TENM2: variants seen among roughly 807,000 people sequenced by gnomAD.
The protein encoded by TENM2 is teneurin-2.
A neutral mutation model predicts 245.2 loss-of-function variants in TENM2; 52 were observed. The observed-to-expected ratio is 0.21, with a 90% CI of 0.17 to 0.27. The LOEUF (loss-of-function observed/expected upper bound fraction) is 0.27. Ranked by LOEUF, TENM2 falls within the 10% of genes least tolerant of loss-of-function variation. TENM2 has a pLI of 1.00. For missense variants in TENM2, 3,046 were observed against 3,666.8 expected (o/e 0.83, Z 4.37); for synonymous variants, 1,363 against 1,438.9 (o/e 0.95, Z 1.19).
intron 2 of TENM2, among the ~76,000 whole-genome samples, chr5:167,508,976 G>A (rs1170488455): frequency 6.6e-6 from 1 of 151,984 alleles, no homozygotes; most frequent in East Asian, 1.9e-4. Context: ...GTGCCACCAC[G>A]CCCGGCTAAT....
chr5:167,530,489 C>T (rs1771416715), intron 2 of TENM2, among the ~76,000 whole-genome samples: 1 of 151,812 alleles, frequency 6.6e-6, no homozygotes, highest in Non-Finnish European at 1.5e-5. Context: ...GTTTTTTAGA[C>T]CCTTATATTT....
the TENM2 span, among the ~76,000 whole-genome samples, chr5:167,265,868 C>T: frequency 3.9e-5 from 6 of 152,094 alleles, no homozygotes; most frequent in South Asian, 1.0e-3. Flanking sequence ...ATATTATGAT[C>T]GACCTAGCTT....
intron 2 of TENM2, among the ~76,000 whole-genome samples, chr5:167,562,964 AAAAAAAAAAAAG>A (rs1773690189): frequency 1.3e-5 from 2 of 149,736 alleles, no homozygotes; most frequent in Non-Finnish European, 2.9e-5. Flanking sequence ...TCTCAAAAAA[AAAAAAAAAAAAG>A]AAAAAGAAAA....
chr5:167,658,646 A>G (rs1755006775), intron 2 of TENM2, among the ~76,000 whole-genome samples: 1 of 152,170 alleles, frequency 6.6e-6, no homozygotes, highest in South Asian at 2.1e-4. Flanking sequence ...GAGAAAGTTG[A>G]GAACCACTGG....
intron 4 of TENM2, among the ~76,000 whole-genome samples, chr5:167,969,023 G>A (rs1374714037): frequency 3.9e-5 from 6 of 152,096 alleles, no homozygotes; most frequent in South Asian, 2.1e-4. Flanking sequence ...TGGAAACCAC[G>A]GACCACTCCT....
At chr5:167,473,283 C>T (rs1031063052) in intron 2 of TENM2, among the ~76,000 whole-genome samples, 1 of 152,130 alleles carries the variant, frequency 6.6e-6, no homozygotes, top group African/African-American at 2.4e-5. Context: ...CACTCTTACT[C>T]TTATTGATGT....
At chr5:167,904,556 C>G (rs1283122816) in intron 3 of TENM2, among the ~76,000 whole-genome samples, 2 of 152,136 alleles carry the variant, frequency 1.3e-5, no homozygotes, top group African/African-American at 4.8e-5. Flanking sequence ...ATCGAGCTTG[C>G]ATGCTTGTAT....
At chr5:167,950,824 A>G (rs1477754566) in intron 3 of TENM2, among the ~76,000 whole-genome samples, 1 of 152,228 alleles carries the variant, frequency 6.6e-6, no homozygotes, top group Non-Finnish European at 1.5e-5. Context: ...TACAGCTATG[A>G]AACTCTCCCA....
chr5:167,495,305 A>G (rs1244012416), intron 2 of TENM2, among the ~76,000 whole-genome samples: 1 of 151,602 alleles, frequency 6.6e-6, no homozygotes, highest in Admixed American at 6.6e-5. Context: ...ATGGACACAA[A>G]TTTGGCAACA....
Position 167,350,991 on chromosome 5 carries a change from TATGGATTATATAC to T in TENM2, c.227-24204_227-24192del, listed in dbSNP as rs1561884128. ...TGGGGTATATACATATGGATATATA[TATGGATTATATAC>T]ATATGGATATATATATATGGGATAT... On this transcript the variant is annotated intron_variant, in intron 1 of 28. Transcript: ENST00000518659. Among the ~76,000 whole-genome samples, 28 of 95,604 alleles carry T rather than the reference TATGGATTATATAC, an allele frequency of 2.9e-4. 1 individual carries two copies. The highest frequency in any genetic ancestry group is 4.1e-4 in the South Asian group (1 of 2,438). The allele number at this position is 95,604 out of a possible 152,430, so 62.7% of individuals were successfully genotyped here.
chr5:167,945,115 A>ATTTG (rs1305029784), intron 3 of TENM2, among the ~76,000 whole-genome samples: 2 of 152,152 alleles, frequency 1.3e-5, no homozygotes, highest in Non-Finnish European at 2.9e-5. Context: ...CAGGGACATG[A>ATTTG]TTTGTTCATT....
intron 2 of TENM2, among the ~76,000 whole-genome samples, chr5:167,453,596 A>C (rs1485425716): frequency 6.6e-6 from 1 of 152,138 alleles, no homozygotes; most frequent in Non-Finnish European, 1.5e-5. Flanking sequence ...AAAGCCATTA[A>C]ATTAGAGACT....
chr5:167,042,042 G>A, the TENM2 span, among the ~76,000 whole-genome samples: 1 of 152,118 alleles, frequency 6.6e-6, no homozygotes, highest in Non-Finnish European at 1.5e-5. Context: ...CCAATGTGCT[G>A]GGGGAGAATG....
chr5:167,917,746 A>T (rs1168087589), intron 3 of TENM2, among the ~76,000 whole-genome samples: 4 of 152,188 alleles, frequency 2.6e-5, no homozygotes, highest in Non-Finnish European at 5.9e-5. Context: ...GCCTTCACTG[A>T]AAGGGGTCTC....
chr5:167,709,598 G>T (rs1032029657), intron 2 of TENM2, among the ~76,000 whole-genome samples: 3 of 152,236 alleles, frequency 2.0e-5, no homozygotes, highest in Non-Finnish European at 4.4e-5. Context: ...AGTGAATGGA[G>T]AACTGACATT....
chr5:167,544,308 T>C (rs1242626727), intron 2 of TENM2, among the ~76,000 whole-genome samples: 1 of 152,170 alleles, frequency 6.6e-6, no homozygotes, highest in Admixed American at 6.6e-5. Flanking sequence ...TGGGCTATGA[T>C]GGAAAAGCCA....
chr5:167,763,282 C>T (rs1445293934), intron 2 of TENM2, among the ~76,000 whole-genome samples: 1 of 152,124 alleles, frequency 6.6e-6, no homozygotes, highest in Non-Finnish European at 1.5e-5. Flanking sequence ...TATTTCTTAC[C>T]TATGTGGACC....
chr5:167,804,037 T>A (rs139371629), intron 2 of TENM2, among the ~76,000 whole-genome samples: 1 of 152,132 alleles, frequency 6.6e-6, no homozygotes, highest in Non-Finnish European at 1.5e-5. Flanking sequence ...CCTTGAAGCA[T>A]TTTGGATTTT....
chr5:167,284,356 G>GGA (rs1035690404), upstream of TENM2, among the ~76,000 whole-genome samples: 3 of 151,972 alleles, frequency 2.0e-5, no homozygotes, highest in African/African-American at 7.3e-5. Flanking sequence ...TTTTTCTTTT[G>GGA]GAGGGGGGGT....
Sources: gnomAD v4.1 joint callset for allele counts (sites outside exome capture counted in the v4.1 genomes callset) on GRCh38, gnomAD v4.1.1 for gene constraint, MANE v1.5 for transcripts, NCBI Gene and HGNC (gene_info 2026-07-23, HGNC 2026-07-21) for gene names.